TMEM185A: variants seen among roughly 807,000 people sequenced by gnomAD.
The protein encoded by TMEM185A is transmembrane protein 185A, also known as family with sequence similarity 11, member A.
TMEM185A carries 9 observed loss-of-function variants against 25.0 expected under a neutral mutation model. The observed-to-expected ratio is 0.36, with a 90% confidence interval of 0.22 to 0.63. TMEM185A has a LOEUF of 0.63. TMEM185A is among the 20% of genes least tolerant of loss of function. TMEM185A has a pLI of 0.68. For synonymous variants in TMEM185A, 45 were observed against 93.5 expected (o/e 0.48, Z 2.99); for missense variants, 103 against 237.4 (o/e 0.43, Z 3.72).
intron 6 of TMEM185A, 42 bp downstream of exon 6, chrX:149,599,512 C>A (rs782404339): frequency 1.3e-5 from 13 of 1,011,464 alleles, no homozygotes; most frequent in African/African-American, 2.1e-5. Flanking sequence ...CTGGTCCCCC[C>A]CCAGACACAC....
At position 149,631,774 on chromosome X, in the gene TMEM185A, C is replaced by T. The variant is rs1250391948; in HGVS notation, c.-194G>A. 6.5e-6 allele frequency: 1 copy of T among 154,753 alleles called. No individual in the cohort carries two copies. The highest frequency in any genetic ancestry group is 1.1e-5 in the Non-Finnish European group (1 of 93,838). 12.8% of individuals were successfully genotyped at this position (154,753 alleles called of 1,213,427 possible). A position where few individuals can be genotyped will look rare whatever the true frequency, so the allele number is the denominator to read the frequency against. The stretch of plus-strand genomic sequence containing the variant: ...GCCGCCGCCGCCGCCGCCGCCGCCG[C>T]CGCCGCCCGGAGAAACCTGAGCCAC... On this transcript the variant is annotated 5_prime_UTR_variant, in exon 1 of 7. Transcript: ENST00000600449.
Position 149,603,979 on chromosome X carries a change from T to C in TMEM185A, c.507+8A>G. On this transcript the variant is annotated splice_region_variant and intron_variant, in intron 4 of 6. Transcript: ENST00000600449. ...GAACTTTATTTAAGGATTTTAAAAG[T>C]TACATACAAGCCAGGGCCAGTGGAT... 2 of 1,197,630 alleles carry C rather than the reference T, an allele frequency of 1.7e-6. No homozygotes were observed. Among genetic ancestry groups the C allele is most frequent in the Non-Finnish European group, 2.3e-6 (2 of 886,424 alleles).
At chrX:149,621,981 G>A (rs1157560978) in intron 1 of TMEM185A, among the ~76,000 whole-genome samples, 4 of 111,919 alleles carry the variant, frequency 3.6e-5, no homozygotes, top group East Asian at 2.8e-4. Context: ...CTGGTTCCAC[G>A]GATTAGGATG....
At chrX:149,603,234 T>G (rs950635317) in intron 4 of TMEM185A, among the ~76,000 whole-genome samples, 3 of 111,714 alleles carry the variant, frequency 2.7e-5, no homozygotes, top group African/African-American at 9.8e-5. Flanking sequence ...GTAACTGAAG[T>G]CACAGTTTAG....
intron 1 of TMEM185A, among the ~76,000 whole-genome samples, chrX:149,626,893 A>G (rs2090165970): frequency 8.9e-6 from 1 of 112,379 alleles, no homozygotes; most frequent in African/African-American, 3.2e-5. Flanking sequence ...GTAACAGAGC[A>G]GTATTGCTGC....
At chrX:149,610,415 C>T (rs1474358605) in intron 2 of TMEM185A, among the ~76,000 whole-genome samples, 4 of 62,546 alleles carry the variant, frequency 6.4e-5, no homozygotes, top group East Asian at 4.8e-4. Context: ...GCAACAAGAG[C>T]GAAACTCTGT....
intron 6 of TMEM185A, among the ~76,000 whole-genome samples, chrX:149,598,758 G>A (rs1175761532): frequency 2.5e-5 from 2 of 81,564 alleles, no homozygotes; most frequent in South Asian, 9.4e-4. Flanking sequence ...CCGTGAGGGC[G>A]GTAGTCATGC....
At chrX:149,621,900 G>A (rs1371101929) in intron 1 of TMEM185A, among the ~76,000 whole-genome samples, 2 of 111,826 alleles carry the variant, frequency 1.8e-5, no homozygotes, top group Non-Finnish European at 3.8e-5. Context: ...CTATTTTAAG[G>A]TCAGCTGATG....
At chrX:149,605,283 G>A (rs1266630326) in intron 3 of TMEM185A, 1 of 97,579 alleles carries the variant, frequency 1.0e-5, no homozygotes, top group Non-Finnish European at 2.0e-5. Context: ...AGCCTCCCAT[G>A]TCACTTTCTA....
chrX:149,609,822 AAG>A (rs1872462971), intron 2 of TMEM185A, among the ~76,000 whole-genome samples: 1 of 112,533 alleles, frequency 8.9e-6, no homozygotes, highest in African/African-American at 3.2e-5. Context: ...CATCTTAAAT[AAG>A]ACCAACAAAG....
rs782422994 is a variant in TMEM185A, at chrX:149,631,604, C to T, written c.-24G>A. ...ATGGCGGAGAACTTCACCGCGGCGTCCTCCTCCTCCTCCCCCGCACCCCGT... is the reference window on the plus strand; with the variant it reads ...ATGGCGGAGAACTTCACCGCGGCGTTCTCCTCCTCCTCCCCCGCACCCCGT... On this transcript the variant is annotated 5_prime_UTR_variant, in exon 1 of 7. Transcript: ENST00000600449. 1.8e-6 allele frequency: 2 copies of T among 1,115,653 alleles called. No individual in the cohort carries two copies. Among genetic ancestry groups the T allele is most frequent in the South Asian group, 4.2e-5 (2 of 47,933 alleles). 91.9% of individuals were successfully genotyped at this position (1,115,653 alleles called of 1,213,427 possible).
intron 1 of TMEM185A, among the ~76,000 whole-genome samples, chrX:149,614,110 C>A (rs931839470): frequency 8.9e-6 from 1 of 111,736 alleles, no homozygotes; most frequent in African/African-American, 3.3e-5. Flanking sequence ...TTCCTCCCAA[C>A]AAAAGCAAAA....
At chrX:149,605,554 C>T (rs781998127) in intron 3 of TMEM185A, among the ~76,000 whole-genome samples, 2 of 110,256 alleles carry the variant, frequency 1.8e-5, no homozygotes, top group Admixed American at 1.9e-4. Context: ...TTTCTATAGC[C>T]TCCCATGTCA....
At chrX:149,605,338 C>T (rs781963597) in intron 3 of TMEM185A, 17 of 99,642 alleles carry the variant, frequency 1.7e-4, no homozygotes, top group African/African-American at 6.5e-4. Context: ...TTTCTATGGC[C>T]TCCCATGTCA....
At chrX:149,628,119 C>T (rs184037745) in intron 1 of TMEM185A, among the ~76,000 whole-genome samples, 2 of 111,815 alleles carry the variant, frequency 1.8e-5, no homozygotes, top group East Asian at 5.6e-4. Context: ...CTGAGGGATA[C>T]ACCACACTCC....
intron 4 of TMEM185A, 56 bp downstream of exon 4, chrX:149,603,931 T>C (rs2090031107): frequency 9.8e-7 from 1 of 1,015,522 alleles, no homozygotes; most frequent in African/African-American, 1.9e-5. Flanking sequence ...ACAGTGAATA[T>C]GAATTACTTT....
intron 2 of TMEM185A, among the ~76,000 whole-genome samples, chrX:149,610,428 CAAAAAAAAAAA>C (rs374846385): frequency 6.0e-4 from 16 of 26,597 alleles, no homozygotes; most frequent in Middle Eastern, 0.043. Context: ...AACTCTGTCT[CAAAAAAAAAAA>C]AAAAAAAAAA....
chrX:149,605,975 C>G (rs1048410383), intron 3 of TMEM185A, among the ~76,000 whole-genome samples: 1 of 112,267 alleles, frequency 8.9e-6, no homozygotes, highest in Non-Finnish European at 1.9e-5. Flanking sequence ...CAAAAGAAAT[C>G]CCTAATGTGG....
chrX:149,611,447 C>G lies in TMEM185A; in HGVS notation c.55G>C (p.Ala19Pro). ...DFNPSKFLIY[A>P]CLLLFSVLLA... ...AGCACAGAGAACAGCAGCAGACAGG[C>G]ATAGATGAGGAATTTACTAGGAGAA... Residue 19 changes from alanine (A) to proline (P), a missense_variant, in exon 2 of 7, where the codon GCC (alanine) becomes CCC (proline). By Grantham distance (27) the Ala-to-Pro change is conservative. This residue lies in a region of TMEM185A where 102 missense variants were observed against 125.7 expected (regional missense o/e 0.81). Coordinates refer to ENST00000600449, the MANE Select transcript of TMEM185A (RefSeq NM_032508.4). 8.4e-7 allele frequency: 1 copy of G among 1,190,666 alleles called. No homozygotes were observed. The highest frequency in any genetic ancestry group is 1.1e-6 in the Non-Finnish European group (1 of 888,330).
Sources: gnomAD v4.1 joint callset for allele counts (sites outside exome capture counted in the v4.1 genomes callset) on GRCh38, gnomAD v4.1.1 for gene constraint, gnomAD v4.1.1 regional missense constraint, MANE v1.5 for transcripts, NCBI Gene and HGNC (gene_info 2026-07-23, HGNC 2026-07-21) for gene names.